The following SNX24 variants were observed in gnomAD, a reference collection of about 807,000 sequenced individuals.
SNX24 encodes sorting nexin 24.
A neutral mutation model predicts 28.7 loss-of-function variants in SNX24; 22 were observed. The ratio of observed to expected loss-of-function variants is 0.77; its 90% CI spans 0.55 to 1.10. The LOEUF (loss-of-function observed/expected upper bound fraction) is 1.10. Among genes scored for constraint, SNX24 ranks in the 50% least tolerant of loss-of-function variants. The pLI, the probability that SNX24 is intolerant of heterozygous loss-of-function variation, is 0.00. For missense variants in SNX24, 221 were observed against 201.1 expected (o/e 1.10, Z -0.60); for synonymous variants, 69 against 71.5 (o/e 0.96, Z 0.18).
At chr5:122,880,261 C>T (rs574897474) in intron 1 of SNX24, among the ~76,000 whole-genome samples, 4 of 147,940 alleles carry the variant, frequency 2.7e-5, no homozygotes, top group African/African-American at 1.0e-4. Context: ...GTTTCGGAGA[C>T]GTGTGCCAGT....
At chr5:122,936,264 A>G (rs76056394) in intron 1 of SNX24, among the ~76,000 whole-genome samples, 1 of 152,298 alleles carries the variant, frequency 6.6e-6, no homozygotes, top group African/African-American at 2.4e-5. Context: ...TTAGAAAGAA[A>G]TTAACCTAAA....
At chr5:122,929,805 AC>A (rs1176358410) in intron 1 of SNX24, among the ~76,000 whole-genome samples, 1 of 151,936 alleles carries the variant, frequency 6.6e-6, no homozygotes, top group Non-Finnish European at 1.5e-5. Context: ...TCGCAAAGCT[AC>A]ATTTTAGGTT....
chr5:122,857,605 A>T (rs1561512155), intron 1 of SNX24, among the ~76,000 whole-genome samples: 1 of 151,580 alleles, frequency 6.6e-6, no homozygotes, highest in East Asian at 1.9e-4. Flanking sequence ...GTTCCCCTCT[A>T]TGTGTCCATG....
chr5:123,001,115 A>G (rs905621194), intron 4 of SNX24, among the ~76,000 whole-genome samples: 14 of 152,382 alleles, frequency 9.2e-5, no homozygotes, highest in South Asian at 4.1e-4. Context: ...TAGAATAGAC[A>G]TTAGCAATGG....
At chr5:122,914,518 T>C (rs1758071787) in intron 1 of SNX24, among the ~76,000 whole-genome samples, 1 of 151,088 alleles carries the variant, frequency 6.6e-6, no homozygotes, top group Non-Finnish European at 1.5e-5. Context: ...TGTGAATCCA[T>C]CTGGTCCTGG....
intron 1 of SNX24, among the ~76,000 whole-genome samples, chr5:122,890,257 A>C (rs934037389): frequency 6.6e-6 from 1 of 152,118 alleles, no homozygotes; most frequent in Non-Finnish European, 1.5e-5. Context: ...TCTGTTGTCT[A>C]TGATGGTTTT....
chr5:122,874,189 G>C (rs1259799915), intron 1 of SNX24, among the ~76,000 whole-genome samples: 1 of 152,212 alleles, frequency 6.6e-6, no homozygotes, highest in Non-Finnish European at 1.5e-5. Flanking sequence ...GATTAAATAT[G>C]AACAAATTAT....
intron 1 of SNX24, among the ~76,000 whole-genome samples, chr5:122,924,413 G>C (rs1320692326): frequency 6.6e-6 from 1 of 152,146 alleles, no homozygotes; most frequent in Admixed American, 6.5e-5. Flanking sequence ...ATGGGTGGGG[G>C]TGCAGACATC....
chr5:122,973,385 C>G (rs1428871608), intron 3 of SNX24, among the ~76,000 whole-genome samples: 1 of 152,206 alleles, frequency 6.6e-6, no homozygotes, highest in African/African-American at 2.4e-5. Flanking sequence ...CAGGGCTGTC[C>G]TAGAAAGGGA....
At chr5:122,986,462 A>C (rs1761608701) in intron 3 of SNX24, among the ~76,000 whole-genome samples, 1 of 152,204 alleles carries the variant, frequency 6.6e-6, no homozygotes, top group Non-Finnish European at 1.5e-5. Context: ...TGTGATCTGA[A>C]ACAAACCCAA....
chr5:122,982,507 A>C (rs1282682504), intron 3 of SNX24, among the ~76,000 whole-genome samples: 1 of 152,228 alleles, frequency 6.6e-6, no homozygotes, highest in Non-Finnish European at 1.5e-5. Flanking sequence ...TAGTTATCAG[A>C]ATATAGGGCA....
At chr5:123,010,192 C>T (rs1157769298), downstream of SNX24, among the ~76,000 whole-genome samples, 3 of 152,184 alleles carry the variant, frequency 2.0e-5, no homozygotes, top group African/African-American at 7.2e-5. Context: ...AACGCACATC[C>T]AGTTTGTAGA....
rs544915105 is a variant in SNX24 at position 122,948,360 on chromosome 5, G to A, written c.249+2201G>A. ...GAAACCCAGGGAGTGGATGCCACCA[G>A]CACTTTCTCAGCAGGTATCATCCTG... On this transcript the variant is annotated intron_variant, in intron 3 of 6. Coordinates refer to ENST00000261369, the MANE Select transcript of SNX24 (RefSeq NM_014035.4). 3.9e-5 allele frequency among the ~76,000 whole-genome samples: 6 copies of A among 152,208 alleles called. No homozygotes were observed. The South Asian group carries it at 1.0e-3, about 26-fold the overall frequency.
At chr5:123,005,235 T>A (rs1762384175) in intron 6 of SNX24, among the ~76,000 whole-genome samples, 1 of 152,176 alleles carries the variant, frequency 6.6e-6, no homozygotes, top group Admixed American at 6.5e-5. Context: ...GTTCTTTGGC[T>A]TTGTCCTCTA....
chr5:122,937,992 C>T (rs906142158), intron 2 of SNX24, among the ~76,000 whole-genome samples: 3 of 152,230 alleles, frequency 2.0e-5, no homozygotes, highest in Non-Finnish European at 4.4e-5. Flanking sequence ...ACCAGCACCC[C>T]CTGCCTTGCC....
chr5:122,927,305 G>A (rs34454612), intron 1 of SNX24, among the ~76,000 whole-genome samples: 30 of 152,252 alleles, frequency 2.0e-4, no homozygotes, highest in African/African-American at 6.7e-4. Context: ...ACTCCTAACC[G>A]CTGCGTTATA....
chr5:122,908,874 A>C (rs1757760432), intron 1 of SNX24, among the ~76,000 whole-genome samples: 1 of 152,192 alleles, frequency 6.6e-6, no homozygotes, highest in Admixed American at 6.5e-5. Context: ...CTTGTGTTGA[A>C]GGGAAGGACT....
chr5:122,953,582 T>G (rs1323587180), intron 3 of SNX24, among the ~76,000 whole-genome samples: 1 of 152,080 alleles, frequency 6.6e-6, no homozygotes, highest in Non-Finnish European at 1.5e-5. Context: ...CTTCACTTCT[T>G]CATTTGAGGG....
chr5:122,941,141 C>T (rs895983514), intron 2 of SNX24, among the ~76,000 whole-genome samples: 1 of 152,180 alleles, frequency 6.6e-6, no homozygotes, highest in Non-Finnish European at 1.5e-5. Context: ...TTGTCCTTCC[C>T]TCTCATGATA....
Sources: gnomAD v4.1 joint callset for allele counts (sites outside exome capture counted in the v4.1 genomes callset) on GRCh38, gnomAD v4.1.1 for gene constraint, MANE v1.5 for transcripts, NCBI Gene and HGNC (gene_info 2026-07-23, HGNC 2026-07-21) for gene names.